The following SAMMSON variants were observed in gnomAD, a reference collection of about 807,000 sequenced individuals.
SAMMSON encodes long intergenic non-protein coding RNA 1212.
intron 4 of SAMMSON, among the ~76,000 whole-genome samples, chr3:70,190,623 G>A (rs1701124390): frequency 6.6e-6 from 1 of 152,150 alleles, no homozygotes; most frequent in South Asian, 2.1e-4. Flanking sequence ...GTGCCACACA[G>A]ATACTTTTAT....
At chr3:70,221,693 T>C (rs908263057) in intron 4 of SAMMSON, among the ~76,000 whole-genome samples, 8 of 152,112 alleles carry the variant, frequency 5.3e-5, no homozygotes, top group African/African-American at 1.9e-4. Context: ...AAGGTTCAAA[T>C]GGAAGGGGAA....
At chr3:70,130,213 C>T (rs984225266) in intron 4 of SAMMSON, among the ~76,000 whole-genome samples, 5 of 152,048 alleles carry the variant, frequency 3.3e-5, no homozygotes, top group African/African-American at 7.2e-5. Flanking sequence ...AAGATGGAGA[C>T]GAATATAGTT....
chr3:70,270,858 G>T (rs1224911464), intron 6 of SAMMSON, among the ~76,000 whole-genome samples: 1 of 151,976 alleles, frequency 6.6e-6, no homozygotes, highest in African/African-American at 2.4e-5. Context: ...CACAGGGAGG[G>T]GAACATCACA....
intron 1 of SAMMSON, among the ~76,000 whole-genome samples, chr3:70,007,446 C>G (rs899129153): frequency 5.3e-5 from 8 of 152,132 alleles, no homozygotes; most frequent in Non-Finnish European, 8.8e-5. Flanking sequence ...TAAATGTCTT[C>G]TTTTGAGAAG....
intron 6 of SAMMSON, among the ~76,000 whole-genome samples, chr3:70,277,204 C>T (rs191455640): frequency 1.2e-4 from 18 of 152,200 alleles, no homozygotes; most frequent in Non-Finnish European, 1.8e-4. Flanking sequence ...GAACATAGCC[C>T]GTATCTCCAG....
At position 70,402,939 on chromosome 3, in the gene SAMMSON, A is replaced by T. The variant is rs567209460; in HGVS notation, n.233+44615A>T. Among the ~76,000 whole-genome samples the T allele has an allele frequency of 7.1e-3, 1,078 of 152,126 alleles. 13 individuals are homozygous for T. The highest frequency in any genetic ancestry group is 0.024 in the African/African-American group (1,011 of 41,496). On this transcript the variant is annotated intron_variant and non_coding_transcript_variant, in intron 2 of 3. Coordinates refer to the SAMMSON transcript ENST00000641053. ...ATATACCACATATGTGTGTATATAT[A>T]TTATATATATATCATGTGTATGATA...
chr3:70,343,610 T>C (rs887446212), intron 7 of SAMMSON, among the ~76,000 whole-genome samples: 2 of 152,134 alleles, frequency 1.3e-5, no homozygotes, highest in African/African-American at 4.8e-5. Context: ...CTTTTTGCTG[T>C]TGACATTAGC....
intron 4 of SAMMSON, among the ~76,000 whole-genome samples, chr3:70,150,989 T>G (rs774794380): frequency 4.6e-5 from 7 of 152,104 alleles, no homozygotes; most frequent in South Asian, 2.1e-4. Context: ...TATATCTATA[T>G]GTAGATATAT....
intron 2 of SAMMSON, among the ~76,000 whole-genome samples, chr3:70,416,192 A>G (rs1254771347): frequency 6.6e-6 from 1 of 152,208 alleles, no homozygotes. Context: ...CTTGTTTCCA[A>G]CATTGATGGA....
rs181977946 is a variant in SAMMSON, at chr3:70,058,776, C to A, written n.418-12700C>A. ...TGCTACTTACCAGTGACTGTATATA[C>A]CATCATATAAATCTCAAAATAGATA... On this transcript the variant is annotated intron_variant and non_coding_transcript_variant, in intron 3 of 9. Transcript: ENST00000642114. 1.1e-4 allele frequency among the ~76,000 whole-genome samples: 16 copies of A among 152,132 alleles called. No homozygotes were observed. The East Asian group carries it at 2.9e-3, about 28-fold the overall frequency.
intron 4 of SAMMSON, among the ~76,000 whole-genome samples, chr3:70,143,695 C>G (rs2067537000): frequency 6.6e-6 from 1 of 152,114 alleles, no homozygotes; most frequent in Non-Finnish European, 1.5e-5. Context: ...CTTTGGAAAT[C>G]ACTCCTTCCT....
At chr3:70,413,662 A>G (rs1344039576) in intron 2 of SAMMSON, among the ~76,000 whole-genome samples, 1 of 152,114 alleles carries the variant, frequency 6.6e-6, no homozygotes, top group Non-Finnish European at 1.5e-5. Context: ...CTTACAAAAC[A>G]TTTTGTGGAG....
In SAMMSON at chr3:70,381,747, T is replaced by C. The variant is rs186463201; in HGVS notation, n.914-7827T>C. Among the ~76,000 whole-genome samples, 519 of 152,178 alleles carry C rather than the reference T, an allele frequency of 3.4e-3. 3 individuals carry two copies. The highest frequency in any genetic ancestry group is 0.012 in the African/African-American group (487 of 41,524). On this transcript the variant is annotated intron_variant and non_coding_transcript_variant, in intron 9 of 9. Coordinates refer to ENST00000642114, the Ensembl canonical transcript of SAMMSON. ...AGACAAATCCAGAATGAGGACATTC[T>C]AAGAGAAATTGGAGGGAACAGACCC...
chr3:70,071,098 G>A (rs1318628767), intron 3 of SAMMSON, among the ~76,000 whole-genome samples: 2 of 151,818 alleles, frequency 1.3e-5, no homozygotes, highest in Non-Finnish European at 1.5e-5. Flanking sequence ...TATAGGTATC[G>A]TATTTAGAAC....
chr3:70,051,146 AAAAAAAAAAAAAAAG>A (rs1459551212), intron 3 of SAMMSON, among the ~76,000 whole-genome samples: 2 of 148,682 alleles, frequency 1.3e-5, no homozygotes, highest in African/African-American at 4.9e-5. Flanking sequence ...AAAAAAAAAA[AAAAAAAAAAAAAAAG>A]AAAAAAAAAG....
intron 3 of SAMMSON, among the ~76,000 whole-genome samples, chr3:70,048,224 T>A (rs2107588512): frequency 6.6e-6 from 1 of 152,152 alleles, no homozygotes. Flanking sequence ...ATGCTTTCAA[T>A]CTAGTGGAAA....
In SAMMSON at chr3:70,063,467, G is replaced by C. The variant is rs923714531; in HGVS notation, n.418-8009G>C. 2.0e-5 allele frequency among the ~76,000 whole-genome samples: 3 copies of C among 152,028 alleles called. No individual in the cohort carries two copies. In the South Asian group the frequency reaches 6.2e-4, roughly 32 times the overall value. Reference sequence around the variant, plus strand: ...GCAGCAGCCCTAGGTGTTCTGGGAGGCTAGCCCTTCTTGAGATCCCCATCA... The same window carrying C: ...GCAGCAGCCCTAGGTGTTCTGGGAGCCTAGCCCTTCTTGAGATCCCCATCA... On this transcript the variant is annotated intron_variant and non_coding_transcript_variant, in intron 3 of 9. Transcript: ENST00000642114.
chr3:70,398,143 T>C (rs539205295), intron 2 of SAMMSON, among the ~76,000 whole-genome samples: 1 of 152,278 alleles, frequency 6.6e-6, no homozygotes, highest in Admixed American at 6.5e-5. Context: ...ACATGAGTTA[T>C]AAAGCAGATA....
At chr3:70,430,902 T>A (rs921660185) in intron 2 of SAMMSON, among the ~76,000 whole-genome samples, 4 of 152,150 alleles carry the variant, frequency 2.6e-5, no homozygotes, top group Non-Finnish European at 4.4e-5. Flanking sequence ...CACCAGGATT[T>A]GGAAGATACC....
Sources: gnomAD v4.1 joint callset for allele counts (sites outside exome capture counted in the v4.1 genomes callset) on GRCh38, gnomAD v4.1.1 for gene constraint, MANE v1.5 for transcripts, NCBI Gene and HGNC (gene_info 2026-07-23, HGNC 2026-07-21) for gene names.